Variants in KANSL3 observed in about 807,000 individuals in gnomAD.
KANSL3 encodes KAT8 regulatory NSL complex subunit 3.
In KANSL3, 16 loss-of-function variants were observed where a neutral mutation model predicts 89.2. That is an observed-to-expected ratio of 0.18 (90% confidence interval 0.12 to 0.27). The LOEUF (loss-of-function observed/expected upper bound fraction) is 0.27. Ranked by LOEUF, KANSL3 falls within the 10% of genes least tolerant of loss-of-function variation. KANSL3 has a pLI of 1.00. For missense variants in KANSL3, 879 were observed against 1,110.6 expected (o/e 0.79, Z 2.96); for synonymous variants, 385 against 419.7 (o/e 0.92, Z 1.01).
chr2:96,619,264 C>A, intron 5 of KANSL3, 95 bp downstream of exon 5: 2 of 1,218,532 alleles, frequency 1.6e-6, no homozygotes, highest in Non-Finnish European at 2.3e-6. Context: ...GCACTCCAGA[C>A]CGACCAGATA....
chr2:96,582,680 C>G, the KANSL3 span, among the ~76,000 whole-genome samples: 2 of 152,208 alleles, frequency 1.3e-5, no homozygotes. Context: ...ATTGCCTTTT[C>G]TCTTGAGCAT....
chr2:96,615,674 A>C (rs1223884747), intron 5 of KANSL3: 5 of 377,604 alleles, frequency 1.3e-5, no homozygotes, highest in Non-Finnish European at 2.1e-5. Context: ...AGCAGAAGAT[A>C]AGTTGCTCTT....
At chr2:96,636,742 T>G (rs931900781) in intron 2 of KANSL3, 179 bp downstream of exon 2, 20 of 508,724 alleles carry the variant, frequency 3.9e-5, no homozygotes, top group African/African-American at 2.9e-4. Flanking sequence ...TTGTTAGCTG[T>G]CTCACAGAGA....
At chr2:96,618,309 C>T (rs908232600) in intron 5 of KANSL3, among the ~76,000 whole-genome samples, 1 of 152,116 alleles carries the variant, frequency 6.6e-6, no homozygotes, top group Non-Finnish European at 1.5e-5. Context: ...CTCCCACCAG[C>T]CTCCTAACTA....
At position 96,594,336 on chromosome 2, in the gene KANSL3, A is replaced by G. The variant is rs2066394198; in HGVS notation, c.*1275T>C. ...AGTATGGGAGCCTGTTCTGGAGGAT[A>G]GCTTCTAAACCAAATCTAAAACTAT... On this transcript the variant is annotated 3_prime_UTR_variant, in exon 21 of 21. Coordinates refer to ENST00000431828, the MANE Select transcript of KANSL3 (RefSeq NM_001115016.3). 6.6e-6 allele frequency: 1 copy of G among 152,222 alleles called. No individual in the cohort carries two copies. Among genetic ancestry groups the G allele is most frequent in the Admixed American group, 6.5e-5 (1 of 15,278 alleles). 9.4% of individuals were successfully genotyped at this position (152,222 alleles called of 1,614,324 possible).
intron 3 of KANSL3, among the ~76,000 whole-genome samples, chr2:96,629,070 G>C (rs2072907768): frequency 6.6e-6 from 1 of 152,158 alleles, no homozygotes; most frequent in Non-Finnish European, 1.5e-5. Flanking sequence ...GAGATGAAGG[G>C]GGGATATACC....
chr2:96,607,428 A>T (rs530577640), intron 14 of KANSL3, among the ~76,000 whole-genome samples: 2 of 152,118 alleles, frequency 1.3e-5, no homozygotes, highest in Non-Finnish European at 2.9e-5. Context: ...CCAGCTCGCC[A>T]ATCAGCCTTC....
rs201452934 is a variant in KANSL3, at chr2:96,602,161, C to G, written c.2437G>C (p.Ala813Pro). 121 of 1,598,286 alleles carry G rather than the reference C, an allele frequency of 7.6e-5. No homozygotes were observed. The highest frequency in any genetic ancestry group is 1.0e-4 in the Non-Finnish European group (118 of 1,172,576). ...TGAGCCAGGCCAGGGAGGCTGCTTG[C>G]CAACTTAGCGAGGCCCCCATTGGTC... ...LLTNGGLAKL[A>P]SSLPGLAQIS... The change falls in exon 19 of 21, where the codon GCA becomes CCA. Residue 813 changes from alanine (A) to proline (P), a missense_variant. Coordinates refer to ENST00000431828, the MANE Select transcript of KANSL3 (RefSeq NM_001115016.3).
chr2:96,633,771 A>T (rs1285572890), intron 2 of KANSL3, among the ~76,000 whole-genome samples: 1 of 152,124 alleles, frequency 6.6e-6, no homozygotes, highest in African/African-American at 2.4e-5. Context: ...AGACTGCAGC[A>T]GGAGAATTGC....
Position 96,593,371 on chromosome 2 carries a change from C to A in KANSL3, c.*2240G>T. The A allele has an allele frequency of 4.4e-6, 2 of 451,962 alleles. No individual in the cohort carries two copies. The highest frequency in any genetic ancestry group is 8.9e-6 in the Non-Finnish European group (2 of 224,146). The allele number at this position is 451,962 out of a possible 1,614,324, so 28.0% of individuals were successfully genotyped here. Reference sequence around the variant, plus strand: ...CATCTGTCATCCAAGAATCTAAGAACTTCCTGATCCTTCCACATTTTCTAT... The same window carrying A: ...CATCTGTCATCCAAGAATCTAAGAAATTCCTGATCCTTCCACATTTTCTAT... On this transcript the variant is annotated 3_prime_UTR_variant, in exon 21 of 21. Transcript: ENST00000431828.
At chr2:96,631,927 TCCCA>T (rs1477342218) in intron 2 of KANSL3, among the ~76,000 whole-genome samples, 1 of 152,006 alleles carries the variant, frequency 6.6e-6, no homozygotes, top group African/African-American at 2.4e-5. Context: ...ACACCTGTGA[TCCCA>T]GCTACTAAGG....
chr2:96,631,156 C>T (rs1314718349), intron 3 of KANSL3, among the ~76,000 whole-genome samples, 156 bp downstream of exon 3: 1 of 152,228 alleles, frequency 6.6e-6, no homozygotes, highest in Non-Finnish European at 1.5e-5. Context: ...GGAGCTCACA[C>T]ACAGCATGGT....
Position 96,612,293 on chromosome 2 carries a change from C to T in KANSL3, c.1075G>A (p.Val359Met), listed in dbSNP as rs2069147821. The change falls in exon 9 of 21, where the codon GTG becomes ATG. Residue 359 changes from valine (V) to methionine (M), a missense_variant. This residue lies in a region of KANSL3 where 198 missense variants were observed against 260.3 expected (regional missense o/e 0.76). Transcript: ENST00000431828. ...ILIGWNTGAL[V>M]ACHVSVMEYV... ...TAGAAATTACTTACATGACAGGCCA[C>T]CAAAGCTCCTGTGTTCCAGCCAATC... is the stretch of plus-strand genomic sequence containing the variant. 1 of 1,612,222 alleles carries T rather than the reference C, an allele frequency of 6.2e-7. No individual in the cohort carries two copies. The highest frequency in any genetic ancestry group is 8.5e-7 in the Non-Finnish European group (1 of 1,178,420).
Position 96,609,034 on chromosome 2 carries a change from G to T in KANSL3, c.1414C>A (p.Leu472Ile). 2 of 1,563,342 alleles carry T rather than the reference G, an allele frequency of 1.3e-6. No homozygotes were observed. The highest frequency in any genetic ancestry group is 1.7e-6 in the Non-Finnish European group (2 of 1,153,562). ...CCCATGTGACCCTCAGCACGAGTGAGCACTCCAGTCAGAAAGTCCACAATC... is the reference window on the plus strand; with the variant it reads ...CCCATGTGACCCTCAGCACGAGTGATCACTCCAGTCAGAAAGTCCACAATC... The part of the protein sequence containing the change: ...DEIVDFLTGV[L>I]TRAEGHMGSE... The change falls in exon 13 of 21, where the codon CTC becomes ATC. Residue 472 changes from leucine (L) to isoleucine (I), a missense_variant. By Grantham distance (5) the Leu-to-Ile change is conservative (BLOSUM62 2). Coordinates refer to ENST00000431828, the MANE Select transcript of KANSL3 (RefSeq NM_001115016.3).
At chr2:96,607,142 T>G (rs1013722381) in intron 14 of KANSL3, 938 of 579,758 alleles carry the variant, frequency 1.6e-3, no homozygotes, top group Non-Finnish European at 2.5e-3. Flanking sequence ...AAATGGCCAA[T>G]AGGGGCTCCT....
At chr2:96,607,282 T>C (rs1024173821) in intron 14 of KANSL3, among the ~76,000 whole-genome samples, 5 of 152,102 alleles carry the variant, frequency 3.3e-5, no homozygotes, top group Non-Finnish European at 7.4e-5. Context: ...GCGAGTGCCA[T>C]GAAGAAGGCA....
At chr2:96,593,157 G>A, downstream of KANSL3, 1 of 437,812 alleles carries the variant, frequency 2.3e-6, no homozygotes, top group Non-Finnish European at 4.6e-6. Context: ...AAAAGAAGCT[G>A]AAGCAATCCA....
chr2:96,586,033 C>T, the KANSL3 span, among the ~76,000 whole-genome samples: 2 of 151,992 alleles, frequency 1.3e-5, no homozygotes, highest in East Asian at 1.9e-4. Flanking sequence ...TTGACACCAG[C>T]CTGGCCAACA....
chr2:96,582,333 G>A, the KANSL3 span, among the ~76,000 whole-genome samples: 1 of 152,222 alleles, frequency 6.6e-6, no homozygotes, highest in East Asian at 1.9e-4. Context: ...AGGAGGTGGA[G>A]GTTGCAATGA....
Sources: allele counts gnomAD v4.1 joint callset (sites outside exome capture counted in the v4.1 genomes callset), GRCh38; gene constraint gnomAD v4.1.1; regional missense constraint gnomAD v4.1.1; transcripts MANE v1.5; gene names NCBI Gene and HGNC (gene_info 2026-07-23, HGNC 2026-07-21).